The following ANKRD36 variants were observed in gnomAD, a reference collection of about 807,000 sequenced individuals.
ANKRD36 encodes the protein ankyrin repeat domain 36, also known as ankyrin repeat domain-containing protein 36A.
Under a neutral mutation model 278.1 loss-of-function variants are expected in ANKRD36, and 179 were observed. The observed-to-expected ratio is 0.64, with a 90% CI of 0.57 to 0.73. The LOEUF is 0.73. ANKRD36 is among the 30% of genes least tolerant of loss of function. ANKRD36 has a pLI of 0.00. For synonymous variants in ANKRD36, 320 were observed against 641.1 expected, an observed-to-expected ratio of 0.50 and a Z score of 7.57; for missense variants, 1,159 against 1,956.7, an observed-to-expected ratio of 0.59 and a Z score of 7.69.
chr2:97,171,897 A>G (rs564402677), intron 22 of ANKRD36, among the ~76,000 whole-genome samples: 3 of 152,080 alleles, frequency 2.0e-5, no homozygotes, highest in Admixed American at 2.0e-4. Context: ...CAATGGCAAC[A>G]AAAGCCAGAA....
intron 66 of ANKRD36, among the ~76,000 whole-genome samples, chr2:97,224,494 C>T (rs2068750392): frequency 6.7e-6 from 1 of 150,342 alleles, no homozygotes; most frequent in African/African-American, 2.4e-5. Context: ...GCCACCCAGG[C>T]TGGAGGTGCA....
intron 44 of ANKRD36, among the ~76,000 whole-genome samples, chr2:97,199,680 G>C (rs1168747836): frequency 6.6e-6 from 1 of 151,884 alleles, no homozygotes; most frequent in African/African-American, 2.4e-5. Context: ...GGTGCCAAGA[G>C]TGGATGAAGA....
At chr2:97,182,472 A>G (rs966970315) in intron 26 of ANKRD36, among the ~76,000 whole-genome samples, 7 of 148,698 alleles carry the variant, frequency 4.7e-5, no homozygotes, top group African/African-American at 1.7e-4. Context: ...TTTTGTTGAT[A>G]TTAGTTATTC....
At position 97,179,760 on chromosome 2, in the gene ANKRD36, T is replaced by C. The variant is rs1327230749; in HGVS notation, c.1656T>C (p.Ala552=). 6 of 1,593,852 alleles carry C rather than the reference T, an allele frequency of 3.8e-6. No individual in the cohort carries two copies. The Admixed American group carries it at 8.5e-5, about 22-fold the overall frequency. Residue 552 remains alanine (A), a synonymous_variant, in exon 23 of 76, where the codon GCT becomes GCC. Coordinates refer to ENST00000420699, the MANE Select transcript of ANKRD36 (RefSeq NM_001354587.1). ...CAGTGTCTTCTCAGAAACAACCAGC[T>C]GAGAAGGTAATTAAAGTCTCATTTA... The part of the protein sequence containing the change: ...PGKVSSQKQP[A]EKATSDDKDS...
intron 11 of ANKRD36, among the ~76,000 whole-genome samples, chr2:97,147,597 C>T (rs1041940920): frequency 1.3e-4 from 20 of 151,984 alleles, no homozygotes; most frequent in Non-Finnish European, 2.4e-4. Flanking sequence ...ACTCAGGTTT[C>T]TTAGTTCAAA....
Position 97,164,418 on chromosome 2 carries a change from C to T in ANKRD36, c.1480C>T (p.His494Tyr), listed in dbSNP as rs2050078339. 2 of 1,537,532 alleles carry T rather than the reference C, an allele frequency of 1.3e-6. No homozygotes were observed. Among genetic ancestry groups the T allele is most frequent in the Admixed American group, 2.0e-5 (1 of 50,966 alleles). Residue 494 changes from histidine to tyrosine, a missense_variant, in exon 20 of 76, where the codon CAC becomes TAC. His to Tyr is a moderately conservative substitution (Grantham distance 83). Coordinates refer to ENST00000420699, the MANE Select transcript of ANKRD36 (RefSeq NM_001354587.1). Reference sequence around the variant, plus strand: ...TCAGCATACGGTGAAAGACAGAGATCACATTTCAACTAGATTCTTAGGAGG... The same window carrying T: ...TCAGCATACGGTGAAAGACAGAGATTACATTTCAACTAGATTCTTAGGAGG... ...LFTHTVKDRD[H>Y]ISTRFLGGMD...
At chr2:97,216,049 A>C (rs2065850999) in intron 62 of ANKRD36, among the ~76,000 whole-genome samples, 2 of 151,908 alleles carry the variant, frequency 1.3e-5, no homozygotes, top group Admixed American at 6.6e-5. Flanking sequence ...ACTTCAGATA[A>C]ATTTGGAATA....
intron 67 of ANKRD36, among the ~76,000 whole-genome samples, chr2:97,228,466 T>C (rs2070726780): frequency 6.6e-6 from 1 of 152,142 alleles, no homozygotes; most frequent in Non-Finnish European, 1.5e-5. Flanking sequence ...TGTATTTCTG[T>C]GGGATCGGTG....
At chr2:97,140,157 G>C (rs1409935983) in intron 6 of ANKRD36, among the ~76,000 whole-genome samples, 6 of 151,394 alleles carry the variant, frequency 4.0e-5, no homozygotes, top group African/African-American at 1.5e-4. Context: ...ATCTAGTAAG[G>C]ATCTCAGCGT....
intron 75 of ANKRD36, among the ~76,000 whole-genome samples, chr2:97,262,525 CACA>C (rs1315316518): frequency 1.6e-5 from 2 of 125,566 alleles, no homozygotes; most frequent in Non-Finnish European, 3.1e-5. Context: ...TCCAGGGACT[CACA>C]ACAAGATACA....
At chr2:97,147,944 T>G (rs2044729891) in intron 11 of ANKRD36, among the ~76,000 whole-genome samples, 1 of 151,974 alleles carries the variant, frequency 6.6e-6, no homozygotes, top group South Asian at 2.1e-4. Context: ...GCTGCCTTTT[T>G]GTTTGTTTAA....
Position 97,185,315 on chromosome 2 carries a change from G to T in ANKRD36, c.1940-1G>T. On this transcript the variant is annotated splice_acceptor_variant, in intron 28 of 75. Transcript: ENST00000420699. LOFTEE classifies it high-confidence loss of function. ...GATTATGTATCCCTTTTGCTTTTCA[G>T]TGTCTTCTCAGAAACAACCAGCCTC... 6.2e-7 allele frequency: 1 copy of T among 1,603,158 alleles called. No homozygotes were observed.
chr2:97,142,336 A>C (rs1335460946), intron 6 of ANKRD36, among the ~76,000 whole-genome samples: 1 of 152,020 alleles, frequency 6.6e-6, no homozygotes, highest in African/African-American at 2.4e-5. Context: ...CTCTGTTTTT[A>C]GACCACATTT....
intron 20 of ANKRD36, among the ~76,000 whole-genome samples, 156 bp from the exon 21 acceptor site, chr2:97,167,418 TTTC>T (rs1559441006): frequency 6.6e-6 from 1 of 152,270 alleles, no homozygotes; most frequent in Non-Finnish European, 1.5e-5. Flanking sequence ...TATTTGGTCC[TTTC>T]TTTTGACATC....
At chr2:97,263,119 G>T (rs138527055) in intron 75 of ANKRD36, among the ~76,000 whole-genome samples, 104 of 132,070 alleles carry the variant, frequency 7.9e-4, no homozygotes, top group African/African-American at 3.1e-3. Flanking sequence ...AATAGGCAAA[G>T]AAGTCAGGAA....
chr2:97,191,230 G>T, intron 36 of ANKRD36, 49 bp downstream of exon 36: 1 of 1,505,910 alleles, frequency 6.6e-7, no homozygotes, highest in Non-Finnish European at 8.9e-7. Context: ...AGATAGATAA[G>T]AATTTCTCTT....
At chr2:97,165,083 G>A (rs1304694014) in intron 20 of ANKRD36, among the ~76,000 whole-genome samples, 3 of 152,226 alleles carry the variant, frequency 2.0e-5, no homozygotes, top group African/African-American at 4.8e-5. Flanking sequence ...TTGCCTACAG[G>A]TAACCAACAG....
chr2:97,244,059 T>C, intron 70 of ANKRD36, 30 bp downstream of exon 70: 1 of 1,554,320 alleles, frequency 6.4e-7, no homozygotes, highest in East Asian at 2.4e-5. Flanking sequence ...AACTTCATAT[T>C]TCTACTCTTA....
rs2153561565 is a variant in ANKRD36, at chr2:97,189,179, GATTT to G, written c.2173-27_2173-24del. The G allele has an allele frequency of 4.0e-6, 3 of 744,834 alleles. 1 individual carries two copies. The highest frequency in any genetic ancestry group is 5.0e-5 in the East Asian group (2 of 39,964). 46.1% of individuals were successfully genotyped at this position (744,834 alleles called of 1,614,324 possible). On this transcript the variant is annotated intron_variant, in intron 33 of 75. Coordinates refer to ENST00000420699, the MANE Select transcript of ANKRD36 (RefSeq NM_001354587.1). ...TATAGTCTATGAAACATACTTCATT[GATTT>G]ATTTATTTATTATTTTCTTTCAAAT...
Sources: gnomAD v4.1 joint callset for allele counts (sites outside exome capture counted in the v4.1 genomes callset) on GRCh38, gnomAD v4.1.1 for gene constraint, MANE v1.5 for transcripts, NCBI Gene and HGNC (gene_info 2026-07-23, HGNC 2026-07-21) for gene names.